The following FHOD3 variants were observed in gnomAD, a reference collection of about 807,000 sequenced individuals.
FHOD3 encodes the protein FH1/FH2 domain-containing protein 3.
A neutral mutation model predicts 173.0 loss-of-function variants in FHOD3; 90 were observed. That is an observed-to-expected ratio of 0.52 (90% CI 0.44 to 0.62). The LOEUF is 0.62. Among genes scored for constraint, FHOD3 ranks in the 20% least tolerant of loss-of-function variants. The probability of loss-of-function intolerance (pLI) is 0.00; values close to 1 mark genes in which losing one functional copy is unlikely to be tolerated. For missense variants in FHOD3, 1,945 were observed against 2,034.7 expected (o/e 0.96, Z 0.85); for synonymous variants, 828 against 823.0 (o/e 1.01, Z -0.10).
At chr18:36,615,118 G>C (rs1436386571) in intron 9 of FHOD3, among the ~76,000 whole-genome samples, 1 of 151,976 alleles carries the variant, frequency 6.6e-6, no homozygotes, top group East Asian at 1.9e-4. Flanking sequence ...CCAAAGTGTT[G>C]GGATTAAGGG....
intron 5 of FHOD3, among the ~76,000 whole-genome samples, chr18:36,550,523 A>G (rs1434970054): frequency 2.0e-5 from 3 of 151,964 alleles, no homozygotes; most frequent in Admixed American, 2.0e-4. Flanking sequence ...TATTAAATCC[A>G]CAGATCACTT....
chr18:36,561,732 C>G (rs768382099), intron 5 of FHOD3, among the ~76,000 whole-genome samples: 4 of 152,158 alleles, frequency 2.6e-5, no homozygotes, highest in African/African-American at 4.8e-5. Context: ...CTTACCCCCA[C>G]TCCATCTTTT....
intron 3 of FHOD3, among the ~76,000 whole-genome samples, chr18:36,461,576 A>G (rs939205746): frequency 5.3e-5 from 8 of 152,120 alleles, no homozygotes; most frequent in Non-Finnish European, 8.8e-5. Context: ...GAGGACTTCA[A>G]GAATCTCAGA....
intron 10 of FHOD3, among the ~76,000 whole-genome samples, chr18:36,633,026 T>C (rs2034625502): frequency 1.3e-5 from 2 of 152,244 alleles, no homozygotes; most frequent in African/African-American, 4.8e-5. Context: ...GTGTCTTTTC[T>C]ACCCTGATTC....
intron 5 of FHOD3, among the ~76,000 whole-genome samples, chr18:36,516,513 T>G (rs2055987208): frequency 6.6e-6 from 1 of 152,084 alleles, no homozygotes; most frequent in Admixed American, 6.6e-5. Context: ...GAGCCCCGTG[T>G]GGGAGAAGGT....
At chr18:36,299,081 T>C (rs1249195552) in intron 1 of FHOD3, among the ~76,000 whole-genome samples, 2 of 152,200 alleles carry the variant, frequency 1.3e-5, no homozygotes, top group East Asian at 3.9e-4. Context: ...TTCTGTATGA[T>C]GTTGACCTGC....
chr18:36,509,434 A>G (rs576876622), intron 4 of FHOD3, among the ~76,000 whole-genome samples: 10 of 78,688 alleles, frequency 1.3e-4, no homozygotes, highest in African/African-American at 2.6e-4. Flanking sequence ...CTCAAAAAAA[A>G]AAAAAAAGAA....
intron 21 of FHOD3, 143 bp from the exon 22 acceptor site, chr18:36,742,594 A>G: frequency 6.7e-6 from 6 of 900,520 alleles, no homozygotes; most frequent in Non-Finnish European, 1.0e-5. Flanking sequence ...ACACGTTTCC[A>G]TACCTAGGAG....
chr18:36,450,958 C>T (rs974458150), intron 3 of FHOD3, among the ~76,000 whole-genome samples: 1 of 152,202 alleles, frequency 6.6e-6, no homozygotes, highest in Non-Finnish European at 1.5e-5. Flanking sequence ...GGCTTCCAGT[C>T]TCTGAGGTCT....
intron 3 of FHOD3, among the ~76,000 whole-genome samples, chr18:36,413,892 T>C (rs758711750): frequency 6.6e-6 from 1 of 152,226 alleles, no homozygotes; most frequent in African/African-American, 2.4e-5. Flanking sequence ...ACTGTAACTA[T>C]TAAGCATTAA....
intron 17 of FHOD3, among the ~76,000 whole-genome samples, chr18:36,694,311 T>C (rs1232612948): frequency 2.6e-5 from 4 of 152,222 alleles, no homozygotes; most frequent in Non-Finnish European, 4.4e-5. Context: ...AAGGCCGGAC[T>C]CCATGACCTT....
intron 1 of FHOD3, among the ~76,000 whole-genome samples, chr18:36,303,089 T>C (rs542785432): frequency 6.6e-6 from 1 of 152,330 alleles, no homozygotes; most frequent in South Asian, 2.1e-4. Flanking sequence ...TGCTATGTCA[T>C]GAACTTATGC....
chr18:36,593,388 A>G (rs2029861994), intron 6 of FHOD3, among the ~76,000 whole-genome samples: 1 of 152,178 alleles, frequency 6.6e-6, no homozygotes, highest in Non-Finnish European at 1.5e-5. Flanking sequence ...AATTGAGGAA[A>G]AGACAAATGG....
chr18:36,741,589 G>A (rs2041904731), intron 21 of FHOD3, among the ~76,000 whole-genome samples: 1 of 152,122 alleles, frequency 6.6e-6, no homozygotes, highest in Non-Finnish European at 1.5e-5. Flanking sequence ...GGGCATCATA[G>A]TGAGACCCTG....
intron 5 of FHOD3, among the ~76,000 whole-genome samples, chr18:36,557,248 C>T (rs2057924015): frequency 6.6e-6 from 1 of 152,036 alleles, no homozygotes; most frequent in Non-Finnish European, 1.5e-5. Flanking sequence ...ATTTTTGTAT[C>T]ACCTCCTTCA....
chr18:36,391,579 G>C (rs955997677), intron 3 of FHOD3, among the ~76,000 whole-genome samples: 8 of 152,174 alleles, frequency 5.3e-5, no homozygotes, highest in Admixed American at 5.2e-4. Context: ...CTGGAAGCCT[G>C]GGGTTTGTAA....
At chr18:36,774,259 TAGG>T (rs1192885319) in intron 28 of FHOD3, among the ~76,000 whole-genome samples, 7 of 152,216 alleles carry the variant, frequency 4.6e-5, no homozygotes, top group Admixed American at 3.3e-4. Flanking sequence ...ACAGGTATAG[TAGG>T]AGGGCATGGG....
chr18:36,302,603 A>G (rs1472824125), intron 1 of FHOD3, among the ~76,000 whole-genome samples: 1 of 152,238 alleles, frequency 6.6e-6, no homozygotes, highest in Non-Finnish European at 1.5e-5. Context: ...CTCGAAGCTA[A>G]GTAGTGCTAA....
At chr18:36,498,127 C>T (rs1481339999) in intron 3 of FHOD3, among the ~76,000 whole-genome samples, 12 of 151,954 alleles carry the variant, frequency 7.9e-5, no homozygotes, top group Non-Finnish European at 1.8e-4. Context: ...TAAGTTATTC[C>T]CCTCTGAATT....
Sources: gnomAD v4.1 joint callset for allele counts (sites outside exome capture counted in the v4.1 genomes callset) on GRCh38, gnomAD v4.1.1 for gene constraint, MANE v1.5 for transcripts, NCBI Gene and HGNC (gene_info 2026-07-23, HGNC 2026-07-21) for gene names.